The following IL5RA variants were observed in gnomAD, a reference collection of about 807,000 sequenced individuals.
IL5RA encodes interleukin 5 receptor subunit alpha, also known as interleukin-5 receptor subunit alpha.
IL5RA carries 49 observed loss-of-function variants against 50.0 expected under a neutral mutation model. The observed-to-expected ratio is 0.98, with a 90% CI of 0.78 to 1.24. The LOEUF (loss-of-function observed/expected upper bound fraction) is 1.24, where lower values mean the gene tolerates loss of function less well. Among genes scored for constraint, IL5RA ranks in the 50% most tolerant of loss-of-function variants. The probability of loss-of-function intolerance (pLI) is 0.00; values close to 1 mark genes in which losing one functional copy is unlikely to be tolerated. For missense variants in IL5RA, 600 were observed against 500.4 expected, an observed-to-expected ratio of 1.20 and a Z score of -1.90; for synonymous variants, 202 against 174.0, an observed-to-expected ratio of 1.16 and a Z score of -1.26.
rs766751861 is a variant in IL5RA, at chr3:3,092,245, A to C, written c.973T>G (p.Trp325Gly). 6.2e-7 allele frequency: 1 copy of C among 1,614,004 alleles called. No homozygotes were observed. Among genetic ancestry groups the C allele is most frequent in the Non-Finnish European group, 8.5e-7 (1 of 1,179,980 alleles). ...TTACCCACATAAATAGGTTGGCTCCACTCACTCCAGAGCCCTGCCTCTCTG... is the reference window on the plus strand; with the variant it reads ...TTACCCACATAAATAGGTTGGCTCCCCTCACTCCAGAGCCCTGCCTCTCTG... Reference protein sequence around the residue: ...MCREAGLWSEWSQPIYVGNDE... With the variant: ...MCREAGLWSEGSQPIYVGNDE... The change falls in exon 9 of 12, where the codon TGG (tryptophan) becomes GGG (glycine). Residue 325 changes from tryptophan (W) to glycine (G), a missense_variant. By Grantham distance (184) the Trp-to-Gly change is radical (BLOSUM62 -2). Coordinates refer to ENST00000446632, the MANE Select transcript of IL5RA (RefSeq NM_175726.4). The surrounding 1 kb of genome is among the most constrained non-coding windows in gnomAD (Gnocchi z 4.2).
intron 9 of IL5RA, among the ~76,000 whole-genome samples, chr3:3,082,372 A>G (rs1164480150): frequency 6.6e-6 from 1 of 152,226 alleles, no homozygotes; most frequent in East Asian, 1.9e-4. Context: ...TTTTCAAGAA[A>G]TCAATGGGCA....
rs1365056775 is a variant in IL5RA at position 3,068,876 on chromosome 3, A to C, written c.*1349T>G. On this transcript the variant is annotated 3_prime_UTR_variant, in exon 12 of 12. Transcript: ENST00000446632. ...ACAGTAATACAGATTACTATAAGAC[A>C]GTGCAGGCTTGTCAAGATTCAAGAT... is the stretch of plus-strand genomic sequence containing the variant. 1 of 152,184 alleles carries C rather than the reference A, an allele frequency of 6.6e-6. No homozygotes were observed. The highest frequency in any genetic ancestry group is 1.5e-5 in the Non-Finnish European group (1 of 68,046). The allele number at this position is 152,184 out of a possible 1,614,324, so 9.4% of individuals were successfully genotyped here.
Position 3,070,272 on chromosome 3 carries a change from A to G in IL5RA, c.1216T>C (p.Tyr406His). ...GTCTCAACTCCAGGCTTCTCTATAT[A>G]ACAGATGACTTCAATTTCCGTCTCA... is the stretch of plus-strand genomic sequence containing the variant. ...SSETEIEVIC[Y>H]IEKPGVETLE... is the part of the protein sequence containing the mutation. The change falls in exon 12 of 12, where the codon TAT (tyrosine) becomes CAT (histidine). Residue 406 changes from tyrosine (Y) to histidine (H), a missense_variant. By Grantham distance (83) the Tyr-to-His change is moderately conservative (BLOSUM62 2). Transcript: ENST00000446632. 1 of 1,613,570 alleles carries G rather than the reference A, an allele frequency of 6.2e-7. No homozygotes were observed. The highest frequency in any genetic ancestry group is 8.5e-7 in the Non-Finnish European group (1 of 1,179,626).
chr3:3,092,276 G>T lies in IL5RA; in HGVS notation c.942C>A (p.Ser314=), dbSNP rs1278023776. 1.2e-6 allele frequency: 2 copies of T among 1,614,002 alleles called. No homozygotes were observed. Among genetic ancestry groups the T allele is most frequent in the African/African-American group, 2.7e-5 (2 of 74,942 alleles). The change falls in exon 9 of 12, where the codon TCC becomes TCA. Residue 314 remains serine, a synonymous_variant. Coordinates refer to ENST00000446632, the MANE Select transcript of IL5RA (RefSeq NM_175726.4). This position sits in a 1 kb window ranked among gnomAD's most constrained non-coding sequence, Gnocchi z 4.2. ...TCCAGAGCCCTGCCTCTCTGCACAT[G>T]GAGCTCACTGCTGCTCTCACTTGAA... The part of the protein sequence containing the change: ...YDVQVRAAVS[S]MCREAGLWSE...
chr3:3,077,968 G>A (rs1315485029), intron 9 of IL5RA, among the ~76,000 whole-genome samples: 2 of 152,022 alleles, frequency 1.3e-5, no homozygotes, highest in African/African-American at 4.8e-5. Context: ...AATATTTACT[G>A]GGCTCCTATT....
In IL5RA at chr3:3,092,358, T is replaced by C; in HGVS notation, c.860A>G (p.Glu287Gly). The change falls in exon 9 of 12, where the codon GAA becomes GGA. Residue 287 changes from glutamate to glycine, a missense_variant. Transcript: ENST00000446632. The surrounding 1 kb of genome is among the most constrained non-coding windows in gnomAD (Gnocchi z 4.2). The part of the protein sequence containing the change: ...HNTRNGYLQI[E>G]KLMTNAFISI... ...GATGAATGCATTGGTCATCAATTTT[T>C]CTATCTAAGTGGGGAAAGATAGCAT... 6.2e-7 allele frequency: 1 copy of C among 1,612,882 alleles called. No homozygotes were observed. Among genetic ancestry groups the C allele is most frequent in the Non-Finnish European group, 8.5e-7 (1 of 1,179,758 alleles).
At chr3:3,071,552 AGT>A (rs55736610) in intron 11 of IL5RA, among the ~76,000 whole-genome samples, 11,720 of 135,752 alleles carry the variant, frequency 0.086, 492 homozygotes, top group Non-Finnish European at 0.11. Context: ...CTTCCTTCAC[AGT>A]GTGTGTGTGT....
intron 9 of IL5RA, among the ~76,000 whole-genome samples, chr3:3,079,724 A>T (rs1182511483): frequency 1.3e-5 from 2 of 152,146 alleles, no homozygotes; most frequent in East Asian, 3.8e-4. Flanking sequence ...CCTTTAATAA[A>T]ATTGGTTTTA....
At chr3:3,080,629 G>C (rs17881984) in intron 9 of IL5RA, among the ~76,000 whole-genome samples, 1 of 152,080 alleles carries the variant, frequency 6.6e-6, no homozygotes, top group Non-Finnish European at 1.5e-5. Context: ...GCAAACTACC[G>C]TTTCTCCTGA....
chr3:3,074,984 C>A (rs1330357302), intron 10 of IL5RA, 118 bp from the exon 11 acceptor site: 1 of 661,140 alleles, frequency 1.5e-6, no homozygotes, highest in Non-Finnish European at 2.7e-6. Context: ...AATTCAAAAT[C>A]TTTACGTACC....
At chr3:3,107,449 T>C (rs1040037539) in intron 2 of IL5RA, among the ~76,000 whole-genome samples, 15 of 152,266 alleles carry the variant, frequency 9.9e-5, no homozygotes, top group African/African-American at 3.6e-4. Flanking sequence ...TACACTGTTA[T>C]GTAGATGTCA....
chr3:3,093,892 A>G (rs1018018869), intron 8 of IL5RA, among the ~76,000 whole-genome samples: 1 of 152,008 alleles, frequency 6.6e-6, no homozygotes, highest in Admixed American at 6.6e-5. Context: ...TTGGAATCCT[A>G]TTTTTTTTCC....
intron 7 of IL5RA, 93 bp from the exon 8 acceptor site, chr3:3,095,537 C>G: frequency 9.8e-7 from 1 of 1,015,300 alleles, no homozygotes; most frequent in East Asian, 2.4e-5. Context: ...CAAGGCATTT[C>G]TAAGATACGC....
chr3:3,089,946 A>T (rs1034692053), intron 9 of IL5RA: 2 of 384,056 alleles, frequency 5.2e-6, no homozygotes, highest in African/African-American at 4.3e-5. Flanking sequence ...TAATCTACCC[A>T]GCACTTTAAA....
Position 3,087,636 on chromosome 3 carries a change from T to TGGGGG in IL5RA, c.994+4583_994+4587dup, listed in dbSNP as rs79635367. Among the ~76,000 whole-genome samples, 61 of 151,162 alleles carry TGGGGG rather than the reference T, an allele frequency of 4.0e-4. No homozygotes were observed. In the South Asian group the frequency reaches 4.7e-3, roughly 12 times the overall value. ...CCTCCATTTTCTTACATTAAAATAA[T>TGGGGG]GGGGGGGAAATTAATAACTATGAAA... On this transcript the variant is annotated intron_variant, in intron 9 of 11. Coordinates refer to ENST00000446632, the MANE Select transcript of IL5RA (RefSeq NM_175726.4).
intron 9 of IL5RA, among the ~76,000 whole-genome samples, chr3:3,086,033 G>A (rs777156152): frequency 7.2e-5 from 11 of 152,042 alleles, no homozygotes; most frequent in Admixed American, 3.3e-4. Context: ...CAAGACTAAC[G>A]AAAGTCAAAT....
intron 9 of IL5RA, among the ~76,000 whole-genome samples, chr3:3,077,472 C>T (rs1702527138): frequency 6.6e-6 from 1 of 152,054 alleles, no homozygotes; most frequent in South Asian, 2.1e-4. Flanking sequence ...AGAAAGGCGT[C>T]CAAGACAAAC....
At chr3:3,071,597 ATT>A (rs113446607) in intron 11 of IL5RA, among the ~76,000 whole-genome samples, 229 of 55,734 alleles carry the variant, frequency 4.1e-3, no homozygotes, top group African/African-American at 0.014. Flanking sequence ...GTGTGTGTGT[ATT>A]TTTTTTTTTT....
Position 3,092,135 on chromosome 3 carries a change from A to G in IL5RA, c.994+89T>C, listed in dbSNP as rs531684239. The G allele has an allele frequency of 3.5e-5, 54 of 1,536,124 alleles. No individual in the cohort carries two copies. In the African/African-American group the frequency reaches 6.5e-4, roughly 18 times the overall value. Reference sequence around the variant, plus strand: ...ACAATAGAGATATGAAACCATTTTAAGACCCACGAGTGAACGGGTACGTTT... The same window carrying G: ...ACAATAGAGATATGAAACCATTTTAGGACCCACGAGTGAACGGGTACGTTT... On this transcript the variant is annotated intron_variant, in intron 9 of 11. Coordinates refer to ENST00000446632, the MANE Select transcript of IL5RA (RefSeq NM_175726.4). The surrounding 1 kb of genome is among the most constrained non-coding windows in gnomAD (Gnocchi z 4.2).
Sources: allele counts gnomAD v4.1 joint callset (sites outside exome capture counted in the v4.1 genomes callset), GRCh38; gene constraint gnomAD v4.1.1; non-coding constraint Gnocchi (gnomAD v3.1); transcripts MANE v1.5; gene names NCBI Gene and HGNC (gene_info 2026-07-23, HGNC 2026-07-21).